The following MKI67 variants were observed in gnomAD, a reference collection of about 807,000 sequenced individuals.
MKI67 encodes marker of proliferation Ki-67, also known as proliferation marker protein Ki-67.
In MKI67, 152 loss-of-function variants were observed where a neutral mutation model predicts 233.5. The ratio of observed to expected loss-of-function variants is 0.65; its 90% CI spans 0.57 to 0.74. The LOEUF (loss-of-function observed/expected upper bound fraction) is 0.74. Among genes scored for constraint, MKI67 ranks in the 30% least tolerant of loss-of-function variants. The pLI is 0.00. For missense variants in MKI67, 3,940 were observed against 3,885.2 expected, an observed-to-expected ratio of 1.01 and a Z score of -0.37; for synonymous variants, 1,465 against 1,418.5, an observed-to-expected ratio of 1.03 and a Z score of -0.74.
intron 14 of MKI67, among the ~76,000 whole-genome samples, chr10:128,100,744 G>A (rs150688207): frequency 7.2e-5 from 11 of 152,304 alleles, no homozygotes; most frequent in Non-Finnish European, 1.6e-4. Flanking sequence ...CTGGCTGGAG[G>A]AGGGTTGGAG....
Position 128,108,836 on chromosome 10 carries a change from T to C in MKI67, c.3004A>G (p.Ile1002Val). ...AKAPKSEKGK[I>V]TKMPCQSLQP... Reference sequence around the variant, plus strand: ...AATGACTGGCAGGGCATTTTAGTGATTTTGCCTTTCTCACTCTTTGGTGCC... The same window carrying C: ...AATGACTGGCAGGGCATTTTAGTGACTTTGCCTTTCTCACTCTTTGGTGCC... Residue 1002 changes from isoleucine (I) to valine (V), a missense_variant, in exon 13 of 15, where the codon ATC becomes GTC. By Grantham distance (29) the Ile-to-Val change is conservative. Coordinates refer to ENST00000368654, the MANE Select transcript of MKI67 (RefSeq NM_002417.5). 1 of 1,614,234 alleles carries C rather than the reference T, an allele frequency of 6.2e-7. No individual in the cohort carries two copies. The highest frequency in any genetic ancestry group is 8.5e-7 in the Non-Finnish European group (1 of 1,180,044).
chr10:128,116,087 A>G, intron 6 of MKI67, 80 bp from the exon 7 acceptor site: 1 of 1,467,070 alleles, frequency 6.8e-7, no homozygotes, highest in South Asian at 1.4e-5. Flanking sequence ...CAATATTTTA[A>G]TTGTTTCAGG....
chr10:128,108,080 G>C lies in MKI67; in HGVS notation c.3760C>G (p.Pro1254Ala). The C allele has an allele frequency of 6.2e-7, 1 of 1,613,020 alleles. No individual in the cohort carries two copies. Among genetic ancestry groups the C allele is most frequent in the Non-Finnish European group, 8.5e-7 (1 of 1,179,816 alleles). ...GKTTKIPCDS[P>A]QSDPVDTPTS... ...GGGGTGTCCACTGGGTCTGACTGTG[G>C]AGAGTCGCAGGGTATTTTAGTGGTT... Residue 1254 changes from proline (P) to alanine (A), a missense_variant, in exon 13 of 15, where the codon CCA becomes GCA. Physicochemically the swap from Pro to Ala is conservative, Grantham distance 27. Transcript: ENST00000368654.
At chr10:128,119,350 T>C (rs1852880362) in intron 4 of MKI67, 31 bp from the exon 5 acceptor site, 2 of 1,494,182 alleles carry the variant, frequency 1.3e-6, no homozygotes, top group Non-Finnish European at 1.9e-6. Context: ...AAGATCCTGA[T>C]TAAAAATTTA....
chr10:128,104,440 G>A lies in MKI67; in HGVS notation c.7400C>T (p.Pro2467Leu), dbSNP rs1360625150. ...DKITEVSCKS[P>L]QPESFKTSRS... ...TGAGGTTTTGAATGACTCTGGCTGT[G>A]GAGATTTACAGGATACTTCTGTGAT... Residue 2467 changes from proline to leucine, a missense_variant, in exon 13 of 15, where the codon CCA (proline) becomes CTA (leucine). Coordinates refer to ENST00000368654, the MANE Select transcript of MKI67 (RefSeq NM_002417.5). The A allele has an allele frequency of 6.2e-7, 1 of 1,613,860 alleles. No homozygotes were observed. The highest frequency in any genetic ancestry group is 8.5e-7 in the Non-Finnish European group (1 of 1,179,980).
In MKI67 at chr10:128,104,401, T is replaced by C. The variant is rs762342348; in HGVS notation, c.7439A>G (p.Gln2480Arg). Residue 2480 changes from glutamine to arginine, a missense_variant, in exon 13 of 15, where the codon CAA becomes CGA. Physicochemically the swap from Gln to Arg is conservative, Grantham distance 43. Coordinates refer to ENST00000368654, the MANE Select transcript of MKI67 (RefSeq NM_002417.5). ...TTTCACCAGGGGTATCTTGAGCCTT[T>C]GCTTGGAGCTTCTTGAGGTTTTGAA... ...ESFKTSRSSK[Q>R]RLKIPLVKVD... 2 of 1,614,196 alleles carry C rather than the reference T, an allele frequency of 1.2e-6. No homozygotes were observed. Among genetic ancestry groups the C allele is most frequent in the South Asian group, 1.1e-5 (1 of 91,082 alleles).
Position 128,099,068 on chromosome 10 carries a change from T to C in MKI67, c.*122A>G. The C allele has an allele frequency of 1.4e-6, 1 of 705,400 alleles. No individual in the cohort carries two copies. The allele number at this position is 705,400 out of a possible 1,614,324, so 43.7% of individuals were successfully genotyped here. The stretch of plus-strand genomic sequence containing the variant: ...ATTCAGACCCAGCAAATCCAAAGTT[T>C]TCTTCCCTTAAGCAGACTGACAGCC... On this transcript the variant is annotated 3_prime_UTR_variant, in exon 15 of 15. Transcript: ENST00000368654.
At chr10:128,119,104 A>C in intron 5 of MKI67, 149 bp downstream of exon 5, 1 of 647,380 alleles carries the variant, frequency 1.5e-6, no homozygotes, top group Non-Finnish European at 2.7e-6. Flanking sequence ...GTCTAAGTTC[A>C]ACTCGTTTTT....
chr10:128,109,181 G>T lies in MKI67; in HGVS notation c.2659C>A (p.Leu887Ile). ...TCTTCACTCTTACTTTCCACAGGTA[G>T]CTTCTGTATATTCCTGAACTCTGTA... ...RSTEFRNIQK[L>I]PVESKSEETN... Residue 887 changes from leucine to isoleucine, a missense_variant, in exon 13 of 15, where the codon CTA becomes ATA. By Grantham distance (5) the Leu-to-Ile change is conservative (BLOSUM62 2). Coordinates refer to ENST00000368654, the MANE Select transcript of MKI67 (RefSeq NM_002417.5). The T allele has an allele frequency of 6.2e-7, 1 of 1,614,134 alleles. No homozygotes were observed. The highest frequency in any genetic ancestry group is 2.2e-5 in the East Asian group (1 of 44,878).
chr10:128,119,105 ACT>A, intron 5 of MKI67, 146 bp downstream of exon 5: 1 of 648,556 alleles, frequency 1.5e-6, no homozygotes, highest in Non-Finnish European at 2.7e-6. Context: ...TCTAAGTTCA[ACT>A]CGTTTTTATA....
rs1374283566 is a variant in MKI67 at position 128,106,958 on chromosome 10, T to G, written c.4882A>C (p.Ser1628Arg). The change falls in exon 13 of 15, where the codon AGC becomes CGC. Residue 1628 changes from serine (S) to arginine (R), a missense_variant. Ser to Arg is a moderately radical substitution (Grantham distance 110, BLOSUM62 -1). Transcript: ENST00000368654. The part of the protein sequence containing the change: ...SQPDPDKNPA[S>R]SKRRLKTSLG... ...GATGTCTTGAGCCGTCGCTTGGAGC[T>G]TGCTGGGTTTTTGTCTGGGTCTGGT... The G allele has an allele frequency of 6.2e-7, 1 of 1,614,176 alleles. No individual in the cohort carries two copies. Among genetic ancestry groups the G allele is most frequent in the Non-Finnish European group, 8.5e-7 (1 of 1,180,032 alleles).
intron 10 of MKI67, 46 bp from the exon 11 acceptor site, chr10:128,111,862 C>T: frequency 6.2e-7 from 1 of 1,608,406 alleles, no homozygotes. Context: ...AAGCATAAAT[C>T]CACACTGAAT....
chr10:128,112,961 G>T (rs1207965333), intron 8 of MKI67, among the ~76,000 whole-genome samples: 1 of 152,220 alleles, frequency 6.6e-6, no homozygotes, highest in African/African-American at 2.4e-5. Flanking sequence ...GAACAGGCAA[G>T]CAAATATTCT....
chr10:128,104,948 CAGGTAAAT>C lies in MKI67; in HGVS notation c.6884_6891del (p.Asn2295ArgfsTer10). ...GGAGTTTGTGGCCATCTTTTGCTGC[CAGGTAAAT>C]TTCCTGGCAGGTCCAATTTCTGCAC... On this transcript the variant is annotated frameshift_variant, in exon 13 of 15. Coordinates refer to ENST00000368654, the MANE Select transcript of MKI67 (RefSeq NM_002417.5). LOFTEE classifies it high-confidence loss of function. 2 of 1,613,280 alleles carry C rather than the reference CAGGTAAAT, an allele frequency of 1.2e-6. No individual in the cohort carries two copies. Among genetic ancestry groups the C allele is most frequent in the Non-Finnish European group, 1.7e-6 (2 of 1,179,900 alleles).
rs371768554 is a variant in MKI67 at position 128,112,063 on chromosome 10, C to G, written c.1970-18G>C. ...TTTTGCAACTGTCAAAGGGAAAAGACGAAACTTTTCAAAAATTAGCATTCA... is the reference window on the plus strand; with the variant it reads ...TTTTGCAACTGTCAAAGGGAAAAGAGGAAACTTTTCAAAAATTAGCATTCA... On this transcript the variant is annotated intron_variant, in intron 9 of 14. Coordinates refer to ENST00000368654, the MANE Select transcript of MKI67 (RefSeq NM_002417.5). 1.2e-6 allele frequency: 2 copies of G among 1,606,742 alleles called. No individual in the cohort carries two copies. Among genetic ancestry groups the G allele is most frequent in the South Asian group, 2.2e-5 (2 of 89,970 alleles).
Position 128,104,119 on chromosome 10 carries a change from T to C in MKI67, c.7721A>G (p.Glu2574Gly), listed in dbSNP as rs1256850542. The change falls in exon 13 of 15, where the codon GAG becomes GGG. Residue 2574 changes from glutamate to glycine, a missense_variant. Transcript: ENST00000368654. ...TGTGTTTTTGTCAATAGTCATTGAC[T>C]CTTCAGTGTGACCTGGTGCTGAGAA... ...ELFSAPGHTEESMTIDKNTKI... is the reference protein window; with the variant it reads ...ELFSAPGHTEGSMTIDKNTKI... 1 of 1,614,168 alleles carries C rather than the reference T, an allele frequency of 6.2e-7. No homozygotes were observed. Among genetic ancestry groups the C allele is most frequent in the Non-Finnish European group, 8.5e-7 (1 of 1,180,030 alleles).
chr10:128,122,904 T>C lies in MKI67; in HGVS notation c.264A>G (p.Ile88Met). Residue 88 changes from isoleucine (I) to methionine (M), a missense_variant, in exon 4 of 15, where the codon ATA (isoleucine) becomes ATG (methionine). Physicochemically the swap from Ile to Met is conservative, Grantham distance 10. Coordinates refer to ENST00000368654, the MANE Select transcript of MKI67 (RefSeq NM_002417.5). Reference protein sequence around the residue: ...EPVRLKHGDVITIIDRSFRYE... With the variant: ...EPVRLKHGDVMTIIDRSFRYE... ...ACCTGAAGGAACGATCAATAATAGT[T>C]ATTACATCTCCATGTTTTAGCCGTA... 1 of 1,586,490 alleles carries C rather than the reference T, an allele frequency of 6.3e-7. No individual in the cohort carries two copies. Among genetic ancestry groups the C allele is most frequent in the Non-Finnish European group, 8.6e-7 (1 of 1,160,246 alleles).
rs1852582327 is a variant in MKI67 at position 128,108,518 on chromosome 10, G to A, written c.3322C>T (p.Leu1108Phe). The A allele has an allele frequency of 6.2e-7, 1 of 1,614,128 alleles. No homozygotes were observed. The highest frequency in any genetic ancestry group is 8.5e-7 in the Non-Finnish European group (1 of 1,180,024). The part of the protein sequence containing the change: ...SLEDLAGFKE[L>F]FQTPGPSEES... ...TCAGAGGGACCTGGTGTCTGGAAGA[G>A]CTCTTTGAAGCCAGCCAGGTCTTCT... The change falls in exon 13 of 15, where the codon CTC becomes TTC. Residue 1108 changes from leucine (L) to phenylalanine (F), a missense_variant. Leu to Phe is a conservative substitution (Grantham distance 22, BLOSUM62 0). Coordinates refer to ENST00000368654, the MANE Select transcript of MKI67 (RefSeq NM_002417.5).
Position 128,125,771 on chromosome 10 carries a change from C to G in MKI67, c.-89-15G>C. Reference sequence around the variant, plus strand: ...CAACTCTTCCACTGCAAAAGAGGTGCGAGTTACTCTGATAGCAAAGGAGCT... The same window carrying G: ...CAACTCTTCCACTGCAAAAGAGGTGGGAGTTACTCTGATAGCAAAGGAGCT... On this transcript the variant is annotated splice_polypyrimidine_tract_variant and intron_variant, in intron 1 of 14. Transcript: ENST00000368654. This position sits in a 1 kb window ranked among gnomAD's most constrained non-coding sequence, Gnocchi z 5.3. 1 of 952,644 alleles carries G rather than the reference C, an allele frequency of 1.0e-6. No individual in the cohort carries two copies. Among genetic ancestry groups the G allele is most frequent in the Admixed American group, 1.8e-5 (1 of 54,306 alleles). The allele number at this position is 952,644 out of a possible 1,614,324, so 59.0% of individuals were successfully genotyped here.
Sources: gnomAD v4.1 joint callset for allele counts (sites outside exome capture counted in the v4.1 genomes callset) on GRCh38, gnomAD v4.1.1 for gene constraint, Gnocchi (gnomAD v3.1) non-coding constraint, MANE v1.5 for transcripts, NCBI Gene and HGNC (gene_info 2026-07-23, HGNC 2026-07-21) for gene names.